The following SUPT3H variants were observed in gnomAD, a reference collection of about 807,000 sequenced individuals.
SUPT3H encodes transcription initiation protein SPT3 homolog.
SUPT3H carries 44 observed loss-of-function variants against 44.3 expected under a neutral mutation model. The observed-to-expected ratio is 0.99, with a 90% CI of 0.78 to 1.28. The LOEUF (loss-of-function observed/expected upper bound fraction) is 1.28, where lower values mean the gene tolerates loss of function less well. SUPT3H is among the 50% of genes most tolerant of loss of function. The pLI, the probability that SUPT3H is intolerant of heterozygous loss-of-function variation, is 0.00. For missense variants in SUPT3H, 380 were observed against 387.1 expected (o/e 0.98, Z 0.15); for synonymous variants, 124 against 125.6 (o/e 0.99, Z 0.09).
intron 2 of SUPT3H, among the ~76,000 whole-genome samples, chr6:45,292,987 T>A (rs546362396): frequency 3.8e-4 from 57 of 151,996 alleles, no homozygotes; most frequent in Admixed American, 3.3e-4. Context: ...ACAAATGAAC[T>A]TAGCAGATAT....
At chr6:45,253,172 T>TTGTTTTTA (rs909348702) in intron 2 of SUPT3H, among the ~76,000 whole-genome samples, 1 of 152,076 alleles carries the variant, frequency 6.6e-6, no homozygotes, top group African/African-American at 2.4e-5. Flanking sequence ...AAATTTCTTA[T>TTGTTTTTA]AAAAAACAAA....
intron 3 of SUPT3H, among the ~76,000 whole-genome samples, chr6:45,089,407 A>G (rs2153562123): frequency 6.6e-6 from 1 of 152,120 alleles, no homozygotes; most frequent in Non-Finnish European, 1.5e-5. Flanking sequence ...TTCACTTGTA[A>G]CCAGGCCTCT....
At chr6:45,193,571 C>T (rs1304297184) in intron 2 of SUPT3H, among the ~76,000 whole-genome samples, 3 of 152,110 alleles carry the variant, frequency 2.0e-5, no homozygotes, top group Admixed American at 2.0e-4. Context: ...AAAAAATTAG[C>T]TGGGCATGGT....
intron 10 of SUPT3H, among the ~76,000 whole-genome samples, chr6:44,866,772 T>A (rs1218878876): frequency 1.3e-5 from 2 of 151,112 alleles, no homozygotes; most frequent in Non-Finnish European, 3.0e-5. Flanking sequence ...CAATGGCTAC[T>A]TGAGTTGAAG....
chr6:45,136,889 C>G (rs761513443), intron 2 of SUPT3H, among the ~76,000 whole-genome samples: 3 of 151,916 alleles, frequency 2.0e-5, no homozygotes, highest in Non-Finnish European at 4.4e-5. Flanking sequence ...GAAATATGGC[C>G]AAAAAATTCC....
intron 2 of SUPT3H, among the ~76,000 whole-genome samples, chr6:45,352,333 T>C (rs1394711574): frequency 1.3e-5 from 2 of 152,124 alleles, no homozygotes; most frequent in African/African-American, 4.8e-5. Context: ...AAAGATCAAG[T>C]AGTTTTTTTC....
chr6:45,178,367 A>G, intron 2 of SUPT3H, among the ~76,000 whole-genome samples: 1 of 152,190 alleles, frequency 6.6e-6, no homozygotes, highest in Non-Finnish European at 1.5e-5. Flanking sequence ...AGAGCTAACT[A>G]TCCTAAATAT....
chr6:45,082,296 T>G lies in SUPT3H; in HGVS notation c.186+23626A>C, dbSNP rs573601802. Among the ~76,000 whole-genome samples, 10 of 152,156 alleles carry G rather than the reference T, an allele frequency of 6.6e-5. No individual in the cohort carries two copies. In the East Asian group the frequency reaches 1.9e-3, roughly 29 times the overall value. On this transcript the variant is annotated intron_variant, in intron 3 of 10. Transcript: ENST00000371459. ...TCCTCCCTAACTCATTCTATGAAAC[T>G]AGCATCACTCTGATGCCAAAAGCTG... is the stretch of plus-strand genomic sequence containing the variant.
intron 2 of SUPT3H, among the ~76,000 whole-genome samples, chr6:45,172,593 ATT>A (rs141335840): frequency 0.012 from 1,715 of 146,004 alleles, 22 homozygotes; most frequent in African/African-American, 0.029. Flanking sequence ...AGATAGATAT[ATT>A]TTTTTTTTTT....
At chr6:45,136,621 A>T (rs1195881674) in intron 2 of SUPT3H, among the ~76,000 whole-genome samples, 3 of 152,058 alleles carry the variant, frequency 2.0e-5, no homozygotes, top group African/African-American at 7.2e-5. Flanking sequence ...AAAAAAACAG[A>T]AATTCTGGAG....
intron 6 of SUPT3H, among the ~76,000 whole-genome samples, chr6:44,980,428 T>C (rs1290303046): frequency 1.3e-5 from 2 of 152,170 alleles, no homozygotes; most frequent in African/African-American, 4.8e-5. Flanking sequence ...ACAATGATGT[T>C]ACGTGAGGGC....
chr6:45,197,043 T>C (rs900109489), intron 2 of SUPT3H, among the ~76,000 whole-genome samples: 1 of 151,692 alleles, frequency 6.6e-6, no homozygotes, highest in Non-Finnish European at 1.5e-5. Context: ...TAAAAAATAG[T>C]ATGCTAAATT....
intron 11 of SUPT3H, among the ~76,000 whole-genome samples, chr6:44,817,646 A>AAAG (rs1437888340): frequency 2.0e-5 from 3 of 151,764 alleles, no homozygotes. Context: ...TTTAGCATAA[A>AAAG]AAGTTAATAT....
chr6:45,205,328 C>T (rs771827986), intron 2 of SUPT3H, among the ~76,000 whole-genome samples: 4 of 152,116 alleles, frequency 2.6e-5, no homozygotes, highest in Admixed American at 6.6e-5. Context: ...GCCAGTTTTC[C>T]GAGTTTGCAC....
At chr6:45,135,245 G>A (rs1804087485) in intron 2 of SUPT3H, among the ~76,000 whole-genome samples, 2 of 152,188 alleles carry the variant, frequency 1.3e-5, no homozygotes, top group South Asian at 4.1e-4. Context: ...GGCCTTTGGG[G>A]TCATCTTCCC....
chr6:45,277,454 C>T (rs2153664555), intron 2 of SUPT3H, among the ~76,000 whole-genome samples: 1 of 152,132 alleles, frequency 6.6e-6, no homozygotes, highest in East Asian at 1.9e-4. Context: ...AAATAGATGA[C>T]AATCAGTGGG....
intron 2 of SUPT3H, among the ~76,000 whole-genome samples, chr6:45,234,780 G>A (rs1296060059): frequency 6.6e-6 from 1 of 152,064 alleles, no homozygotes; most frequent in Non-Finnish European, 1.5e-5. Context: ...ATATCCAACT[G>A]ATAATTTTCT....
chr6:45,350,878 C>T (rs953969837), intron 2 of SUPT3H, among the ~76,000 whole-genome samples: 13 of 152,152 alleles, frequency 8.5e-5, no homozygotes, highest in Non-Finnish European at 1.5e-4. Flanking sequence ...AGTTCCAGTT[C>T]GTGGCCTGTT....
At chr6:45,070,320 G>A (rs1353482205) in intron 3 of SUPT3H, among the ~76,000 whole-genome samples, 1 of 152,110 alleles carries the variant, frequency 6.6e-6, no homozygotes, top group Admixed American at 6.5e-5. Flanking sequence ...ATCAACAGAA[G>A]ATTTCTGATC....
Sources: gnomAD v4.1 joint callset for allele counts (sites outside exome capture counted in the v4.1 genomes callset) on GRCh38, gnomAD v4.1.1 for gene constraint, MANE v1.5 for transcripts, NCBI Gene and HGNC (gene_info 2026-07-23, HGNC 2026-07-21) for gene names.